The following FAM174A variants were observed in gnomAD, a reference collection of about 807,000 sequenced individuals.
The protein encoded by FAM174A is membrane protein FAM174A.
In FAM174A, 14 loss-of-function variants were observed where a neutral mutation model predicts 14.3. The observed-to-expected ratio is 0.98, with a 90% CI of 0.65 to 1.53. The LOEUF is 1.53. Ranked by LOEUF, FAM174A falls within the 40% of genes most tolerant of loss-of-function variation. The pLI, the probability that FAM174A is intolerant of heterozygous loss-of-function variation, is 0.00. For missense variants in FAM174A, 241 were observed against 249.6 expected, an observed-to-expected ratio of 0.97 and a Z score of 0.23; for synonymous variants, 108 against 111.4, an observed-to-expected ratio of 0.97 and a Z score of 0.19.
chr5:100,582,851 A>G (rs892613610), intron 2 of FAM174A, among the ~76,000 whole-genome samples: 1 of 152,158 alleles, frequency 6.6e-6, no homozygotes, highest in African/African-American at 2.4e-5. Flanking sequence ...ATTTATAGGA[A>G]CCATAGAAAT....
intron 2 of FAM174A, among the ~76,000 whole-genome samples, chr5:100,571,175 T>C (rs1288748681): frequency 1.3e-5 from 2 of 151,850 alleles, no homozygotes; most frequent in Non-Finnish European, 2.9e-5. Flanking sequence ...TGTGTGTGTG[T>C]GTCTTTTATA....
chr5:100,565,726 A>T (rs549850511), intron 2 of FAM174A, among the ~76,000 whole-genome samples: 1 of 151,814 alleles, frequency 6.6e-6, no homozygotes, highest in Non-Finnish European at 1.5e-5. Context: ...CAAGCTGTGG[A>T]AATAACCTAA....
intron 2 of FAM174A, among the ~76,000 whole-genome samples, chr5:100,563,716 A>G (rs1746580315): frequency 6.6e-6 from 1 of 151,894 alleles, no homozygotes; most frequent in African/African-American, 2.4e-5. Flanking sequence ...CATGGGATGC[A>G]CTCTGAGATA....
intron 2 of FAM174A, among the ~76,000 whole-genome samples, chr5:100,574,349 G>A (rs1440765777): frequency 6.6e-6 from 1 of 151,842 alleles, no homozygotes; most frequent in Non-Finnish European, 1.5e-5. Context: ...CACCAAGCCT[G>A]GCTGATTTTT....
chr5:100,555,146 T>A (rs1014518521), intron 1 of FAM174A, among the ~76,000 whole-genome samples: 2 of 152,000 alleles, frequency 1.3e-5, no homozygotes, highest in Non-Finnish European at 2.9e-5. Flanking sequence ...TTCTCATTGT[T>A]CAATTCCCAG....
At chr5:100,550,447 T>C (rs1746240786) in intron 1 of FAM174A, among the ~76,000 whole-genome samples, 1 of 152,152 alleles carries the variant, frequency 6.6e-6, no homozygotes, top group African/African-American at 2.4e-5. Context: ...ATCTTTCTTA[T>C]ACAGAGAAAA....
chr5:100,575,716 G>A (rs247943), intron 2 of FAM174A, among the ~76,000 whole-genome samples: 2 of 152,160 alleles, frequency 1.3e-5, no homozygotes, highest in South Asian at 4.1e-4. Context: ...CTTCTGCACA[G>A]CAAAAGAAAC....
chr5:100,558,608 G>T (rs1746450825), intron 1 of FAM174A, among the ~76,000 whole-genome samples: 1 of 152,142 alleles, frequency 6.6e-6, no homozygotes, highest in East Asian at 1.9e-4. Flanking sequence ...CTTGCTTTAT[G>T]AATCTGGGTG....
At chr5:100,545,175 T>TGGTGATAAG (rs1474914409) in intron 1 of FAM174A, among the ~76,000 whole-genome samples, 3 of 152,328 alleles carry the variant, frequency 2.0e-5, no homozygotes, top group South Asian at 4.1e-4. Context: ...AAGACTACAT[T>TGGTGATAAG]TAAAAAATTA....
intron 2 of FAM174A, among the ~76,000 whole-genome samples, chr5:100,566,141 G>GATTATATATATATAT (rs1554047541): frequency 2.4e-5 from 2 of 81,802 alleles, no homozygotes; most frequent in African/African-American, 8.2e-5. Flanking sequence ...TGAAAAGTAT[G>GATTATATATATATAT]ATATATATAT....
intron 2 of FAM174A, among the ~76,000 whole-genome samples, chr5:100,584,667 C>A (rs945776680): frequency 1.3e-5 from 2 of 152,056 alleles, no homozygotes; most frequent in African/African-American, 2.4e-5. Context: ...ATCATGCAAC[C>A]ACACAAAAGC....
At chr5:100,545,625 A>G (rs959760349) in intron 1 of FAM174A, among the ~76,000 whole-genome samples, 1 of 152,200 alleles carries the variant, frequency 6.6e-6, no homozygotes, top group Non-Finnish European at 1.5e-5. Flanking sequence ...TCTCAATAGT[A>G]AAGCAAAACA....
At chr5:100,583,562 T>G (rs1055143269) in intron 2 of FAM174A, among the ~76,000 whole-genome samples, 60 of 152,342 alleles carry the variant, frequency 3.9e-4, no homozygotes, top group African/African-American at 1.4e-3. Context: ...AGTCATTTTC[T>G]GTTCATTGTT....
At chr5:100,536,152 G>A (rs1288461784) in intron 1 of FAM174A, among the ~76,000 whole-genome samples, 188 bp downstream of exon 1, 2 of 152,200 alleles carry the variant, frequency 1.3e-5, no homozygotes, top group Non-Finnish European at 2.9e-5. Flanking sequence ...ACTAATTGCT[G>A]CCTTTTGTTT....
chr5:100,578,502 A>G (rs1159005817), intron 2 of FAM174A, among the ~76,000 whole-genome samples: 1 of 152,182 alleles, frequency 6.6e-6, no homozygotes, highest in African/African-American at 2.4e-5. Context: ...AATCCAAAAA[A>G]CTTAAGAACA....
chr5:100,569,080 T>C (rs1746723540), intron 2 of FAM174A, among the ~76,000 whole-genome samples: 1 of 151,936 alleles, frequency 6.6e-6, no homozygotes, highest in Admixed American at 6.6e-5. Flanking sequence ...ACTCCATTCT[T>C]CCCACCTCAT....
intron 2 of FAM174A, among the ~76,000 whole-genome samples, chr5:100,574,326 T>C (rs564145889): frequency 1.6e-3 from 250 of 152,158 alleles, no homozygotes; most frequent in African/African-American, 5.7e-3. Context: ...GTAGCTGGGA[T>C]TACAGATGTG....
At chr5:100,556,699 A>G (rs1746391593) in intron 1 of FAM174A, among the ~76,000 whole-genome samples, 1 of 152,008 alleles carries the variant, frequency 6.6e-6, no homozygotes, top group Non-Finnish European at 1.5e-5. Context: ...ATTCTCTTTG[A>G]AGCAATTGTG....
chr5:100,535,944 C>A lies in FAM174A; in HGVS notation c.414C>A (p.Tyr138Ter). Residue 138 changes from tyrosine (Y) to a stop codon, truncating the protein, a stop_gained, in exon 1 of 3, where the codon TAC (tyrosine) becomes TAA (stop). Transcript: ENST00000312637. LOFTEE classifies it high-confidence loss of function. The part of the protein sequence containing the change: ...LMVVSGAVLV[Y>*]FVVRTVRMRR... ...TGGTGAGCGGCGCGGTGCTGGTGTA[C>A]TTCGTGGTCAGGACGGTCAGGTGAG... 1 of 1,594,710 alleles carries A rather than the reference C, an allele frequency of 6.3e-7. No individual in the cohort carries two copies. Among genetic ancestry groups the A allele is most frequent in the South Asian group, 1.1e-5 (1 of 89,788 alleles).
Sources: gnomAD v4.1 joint callset for allele counts (sites outside exome capture counted in the v4.1 genomes callset) on GRCh38, gnomAD v4.1.1 for gene constraint, MANE v1.5 for transcripts, NCBI Gene and HGNC (gene_info 2026-07-23, HGNC 2026-07-21) for gene names.